Variants in ITPR2 observed in about 807,000 individuals in gnomAD.
The protein encoded by ITPR2 is inositol 1,4,5-trisphosphate receptor type 2, also known as inositol 1,4,5-trisphosphate-gated calcium channel ITPR2.
In ITPR2, 207 loss-of-function variants were observed where a neutral mutation model predicts 317.1. The ratio of observed to expected loss-of-function variants is 0.65; its 90% CI spans 0.58 to 0.73. The LOEUF (loss-of-function observed/expected upper bound fraction) is 0.73. Among genes scored for constraint, ITPR2 ranks in the 30% least tolerant of loss-of-function variants. ITPR2 has a pLI of 0.00. For missense variants in ITPR2, 2,613 were observed against 3,284.0 expected, an observed-to-expected ratio of 0.80 and a Z score of 4.99; for synonymous variants, 1,156 against 1,149.1, an observed-to-expected ratio of 1.01 and a Z score of -0.12.
intron 45 of ITPR2, among the ~76,000 whole-genome samples, chr12:26,451,189 T>C (rs1358823688): frequency 6.6e-6 from 1 of 152,042 alleles, no homozygotes; most frequent in African/African-American, 2.4e-5. Context: ...AATGTGGCAG[T>C]GGACAGAAAG....
At chr12:26,701,954 T>A (rs1007313757) in intron 9 of ITPR2, among the ~76,000 whole-genome samples, 9 of 152,166 alleles carry the variant, frequency 5.9e-5, no homozygotes, top group African/African-American at 2.2e-4. Context: ...TTTAGTAAGA[T>A]CCAAAGAAAG....
chr12:26,378,996 G>A (rs1394847811), intron 55 of ITPR2, among the ~76,000 whole-genome samples: 4 of 152,162 alleles, frequency 2.6e-5, no homozygotes, highest in Non-Finnish European at 4.4e-5. Flanking sequence ...GTGCGCTGCC[G>A]AGAGGGTTGG....
At chr12:26,739,431 A>G (rs1352004533) in intron 2 of ITPR2, among the ~76,000 whole-genome samples, 2 of 152,246 alleles carry the variant, frequency 1.3e-5, no homozygotes, top group African/African-American at 4.8e-5. Context: ...ATGTAGTGGT[A>G]TATCCATACA....
chr12:26,654,671 A>C (rs914816573), intron 20 of ITPR2, among the ~76,000 whole-genome samples: 4 of 152,070 alleles, frequency 2.6e-5, no homozygotes, highest in Non-Finnish European at 5.9e-5. Context: ...AGATTACAGA[A>C]GACTGCAACT....
chr12:26,609,267 A>T (rs959710784), intron 26 of ITPR2, among the ~76,000 whole-genome samples: 2 of 152,222 alleles, frequency 1.3e-5, no homozygotes, highest in African/African-American at 4.8e-5. Context: ...AATAAAAGAA[A>T]CCATATGGGT....
intron 34 of ITPR2, among the ~76,000 whole-genome samples, chr12:26,571,181 G>T (rs933145610): frequency 3.3e-5 from 5 of 152,154 alleles, no homozygotes; most frequent in African/African-American, 1.2e-4. Context: ...GCCTTTAAAA[G>T]TTTAAAACAT....
intron 1 of ITPR2, among the ~76,000 whole-genome samples, chr12:26,824,141 C>T (rs1328084025): frequency 6.6e-6 from 1 of 152,120 alleles, no homozygotes; most frequent in African/African-American, 2.4e-5. Flanking sequence ...TCTCAGAACA[C>T]TTACGTTAGC....
chr12:26,680,498 A>G (rs536302784), intron 13 of ITPR2, among the ~76,000 whole-genome samples: 2 of 152,172 alleles, frequency 1.3e-5, no homozygotes, highest in Non-Finnish European at 2.9e-5. Flanking sequence ...AAACTCCCTG[A>G]TCCCTAGTGT....
At chr12:26,476,697 T>C (rs1942424733) in intron 44 of ITPR2, among the ~76,000 whole-genome samples, 1 of 152,182 alleles carries the variant, frequency 6.6e-6, no homozygotes, top group Non-Finnish European at 1.5e-5. Context: ...GAAAAGTGCT[T>C]AGAGTGGATA....
intron 55 of ITPR2, among the ~76,000 whole-genome samples, chr12:26,349,599 C>A (rs1393782024): frequency 6.6e-6 from 1 of 152,202 alleles, no homozygotes; most frequent in Middle Eastern, 3.2e-3. Context: ...TGAATTTTTA[C>A]AAAATTATAA....
chr12:26,563,720 C>T, intron 34 of ITPR2, among the ~76,000 whole-genome samples: 1 of 152,206 alleles, frequency 6.6e-6, no homozygotes, highest in Non-Finnish European at 1.5e-5. Flanking sequence ...CATGCACGCA[C>T]ACAAACACAA....
intron 16 of ITPR2, among the ~76,000 whole-genome samples, chr12:26,658,593 C>G (rs1449082975): frequency 2.0e-5 from 3 of 152,232 alleles, no homozygotes; most frequent in South Asian, 4.1e-4. Flanking sequence ...TGCTAATTAG[C>G]TAAGGAAACA....
At position 26,671,825 on chromosome 12, in the gene ITPR2, C is replaced by T. The variant is rs140529701; in HGVS notation, c.1410-5774G>A. On this transcript the variant is annotated intron_variant, in intron 13 of 56. Coordinates refer to ENST00000381340, the MANE Select transcript of ITPR2 (RefSeq NM_002223.4). ...AACCTATCTCACGTGCAGAGACACACATAGGCTCAAAATAAAAGGATGGAG... is the reference window on the plus strand; with the variant it reads ...AACCTATCTCACGTGCAGAGACACATATAGGCTCAAAATAAAAGGATGGAG... 3.0e-4 allele frequency among the ~76,000 whole-genome samples: 45 copies of T among 152,264 alleles called. 1 individual carries two copies. The highest frequency in any genetic ancestry group is 1.0e-3 in the African/African-American group (42 of 41,538).
chr12:26,390,082 G>A (rs1939785335), intron 54 of ITPR2, among the ~76,000 whole-genome samples: 1 of 152,140 alleles, frequency 6.6e-6, no homozygotes, highest in Admixed American at 6.5e-5. Context: ...CCACTAGAAT[G>A]CCTATAACCA....
At chr12:26,472,877 G>A (rs1027739355) in intron 45 of ITPR2, among the ~76,000 whole-genome samples, 1 of 149,276 alleles carries the variant, frequency 6.7e-6, no homozygotes, top group Admixed American at 6.6e-5. Flanking sequence ...GTTTTTTTTT[G>A]TTTTTTGTTT....
intron 35 of ITPR2, among the ~76,000 whole-genome samples, chr12:26,559,032 C>G (rs1210282225): frequency 2.6e-5 from 4 of 152,180 alleles, no homozygotes; most frequent in Admixed American, 2.0e-4. Flanking sequence ...TCTATTAGTT[C>G]TACAACTAAA....
chr12:26,339,157 C>T lies in ITPR2; in HGVS notation c.*240G>A, dbSNP rs1433275840. 2.3e-6 allele frequency: 1 copy of T among 440,264 alleles called. No homozygotes were observed. Among genetic ancestry groups the T allele is most frequent in the Non-Finnish European group, 4.1e-6 (1 of 244,622 alleles). The allele number at this position is 440,264 out of a possible 1,614,324, so 27.3% of individuals were successfully genotyped here. A position where few individuals can be genotyped will look rare whatever the true frequency, so the allele number is the denominator to read the frequency against. ...CAGCCTTTTGGGCAAGCCTTTTCTT[C>T]CTGATGCATTGCGAATGTGTGATGT... is the stretch of plus-strand genomic sequence containing the variant. On this transcript the variant is annotated 3_prime_UTR_variant, in exon 57 of 57. Transcript: ENST00000381340.
chr12:26,832,620 G>A, intron 1 of ITPR2, 70 bp downstream of exon 1: 3 of 1,212,736 alleles, frequency 2.5e-6, no homozygotes, highest in Admixed American at 2.2e-5. Context: ...ACCGGGCGGC[G>A]GAGGAGGGAC....
chr12:26,766,019 T>C (rs1404033030), intron 2 of ITPR2, among the ~76,000 whole-genome samples: 1 of 152,192 alleles, frequency 6.6e-6, no homozygotes, highest in East Asian at 1.9e-4. Context: ...TAGGGATATA[T>C]CGTATTGTGT....
Sources: allele counts gnomAD v4.1 joint callset (sites outside exome capture counted in the v4.1 genomes callset), GRCh38; gene constraint gnomAD v4.1.1; transcripts MANE v1.5; gene names NCBI Gene and HGNC (gene_info 2026-07-23, HGNC 2026-07-21).